Variants in BRINP3 observed in about 807,000 individuals in gnomAD.
BRINP3 encodes BMP/retinoic acid inducible neural specific 3, also known as BMP/retinoic acid-inducible neural-specific protein 3.
Under a neutral mutation model 71.0 loss-of-function variants are expected in BRINP3, and 19 were observed. The ratio of observed to expected loss-of-function variants is 0.27; its 90% CI spans 0.19 to 0.39. The LOEUF (loss-of-function observed/expected upper bound fraction) is 0.39. BRINP3 is among the 10% of genes least tolerant of loss of function. The pLI, the probability that BRINP3 is intolerant of heterozygous loss-of-function variation, is 1.00. For missense variants in BRINP3, 959 were observed against 940.8 expected (o/e 1.02, Z -0.25); for synonymous variants, 380 against 337.7 (o/e 1.13, Z -1.37).
chr1:190,258,346 C>A (rs115881067), intron 4 of BRINP3, among the ~76,000 whole-genome samples: 1 of 152,000 alleles, frequency 6.6e-6, no homozygotes, highest in Non-Finnish European at 1.5e-5. Context: ...CCTGGAAAAA[C>A]GGGACACTCC....
intron 6 of BRINP3, among the ~76,000 whole-genome samples, chr1:190,183,491 C>T (rs970422742): frequency 6.6e-5 from 10 of 151,854 alleles, no homozygotes; most frequent in African/African-American, 2.4e-4. Context: ...GTTTTAAGTT[C>T]CAAATTTGTC....
At chr1:190,319,767 C>T (rs1666115300) in intron 2 of BRINP3, among the ~76,000 whole-genome samples, 1 of 151,974 alleles carries the variant, frequency 6.6e-6, no homozygotes. Context: ...CCCCCTTGAT[C>T]CAATCACCTC....
At position 190,440,612 on chromosome 1, in the gene BRINP3, A is replaced by T. The variant is rs894780587; in HGVS notation, c.236+14043T>A. On this transcript the variant is annotated intron_variant, in intron 2 of 7. Transcript: ENST00000367462. The stretch of plus-strand genomic sequence containing the variant: ...TACTAGATGAGGACTCAAAGACAGA[A>T]GGCTGATAAAATTTTATACATTTGT... 1.9e-4 allele frequency among the ~76,000 whole-genome samples: 29 copies of T among 152,104 alleles called. 1 individual carries two copies. Among genetic ancestry groups the T allele is most frequent in the African/African-American group, 6.0e-4 (25 of 41,566 alleles).
chr1:190,205,750 A>G (rs1420582052), intron 6 of BRINP3, among the ~76,000 whole-genome samples: 2 of 152,028 alleles, frequency 1.3e-5, no homozygotes, highest in Non-Finnish European at 2.9e-5. Flanking sequence ...AAAATAATAC[A>G]AAGATAGTCC....
intron 2 of BRINP3, among the ~76,000 whole-genome samples, chr1:190,404,663 C>G (rs943288467): frequency 6.6e-6 from 1 of 152,166 alleles, no homozygotes; most frequent in Non-Finnish European, 1.5e-5. Flanking sequence ...TTTGGCCCTT[C>G]AAAACCCTGT....
At chr1:190,367,093 T>C (rs963239181) in intron 2 of BRINP3, among the ~76,000 whole-genome samples, 3 of 152,142 alleles carry the variant, frequency 2.0e-5, no homozygotes, top group African/African-American at 7.2e-5. Flanking sequence ...GTGGACTCTG[T>C]GCGGGGGCTC....
At chr1:190,211,714 C>A (rs1656004253) in intron 6 of BRINP3, among the ~76,000 whole-genome samples, 1 of 152,092 alleles carries the variant, frequency 6.6e-6, no homozygotes, top group Non-Finnish European at 1.5e-5. Flanking sequence ...AGGGAGAAGG[C>A]ATTTGGCAAA....
chr1:190,174,721 T>C (rs942382801), intron 6 of BRINP3, among the ~76,000 whole-genome samples: 1 of 152,280 alleles, frequency 6.6e-6, no homozygotes, highest in African/African-American at 2.4e-5. Context: ...GTTTAATATG[T>C]AATGTTTCAT....
intron 6 of BRINP3, among the ~76,000 whole-genome samples, chr1:190,203,573 G>C (rs1323332425): frequency 1.3e-5 from 2 of 149,082 alleles, no homozygotes; most frequent in Non-Finnish European, 3.0e-5. Context: ...ATACCTTCTA[G>C]AATGTTATCA....
intron 7 of BRINP3, among the ~76,000 whole-genome samples, chr1:190,124,002 T>A (rs1447860087): frequency 6.6e-6 from 1 of 152,152 alleles, no homozygotes. Context: ...TCTGAAGTCA[T>A]TTGAAATATC....
At chr1:190,235,427 A>G (rs557044210) in intron 4 of BRINP3, among the ~76,000 whole-genome samples, 3 of 152,058 alleles carry the variant, frequency 2.0e-5, no homozygotes, top group Non-Finnish European at 4.4e-5. Flanking sequence ...TTCTTTATTA[A>G]TAACCAGACT....
chr1:190,118,299 A>G (rs17366894), intron 7 of BRINP3, among the ~76,000 whole-genome samples: 2,236 of 152,290 alleles, frequency 0.015, 29 homozygotes, highest in Non-Finnish European at 0.023. Flanking sequence ...CAGCATAACT[A>G]TAAATTAAAG....
At position 190,152,483 on chromosome 1, in the gene BRINP3, C is replaced by T. The variant is rs1355157615; in HGVS notation, c.1184+8185G>A. 2.0e-5 allele frequency among the ~76,000 whole-genome samples: 3 copies of T among 149,128 alleles called. No individual in the cohort carries two copies. The East Asian group carries it at 5.9e-4, about 29-fold the overall frequency. The stretch of plus-strand genomic sequence containing the variant: ...GATGATCATTTTGAACTATTACATA[C>T]ATGCACAAATATATATATATATATA... On this transcript the variant is annotated intron_variant, in intron 7 of 7. Coordinates refer to ENST00000367462, the MANE Select transcript of BRINP3 (RefSeq NM_199051.3).
chr1:190,392,534 G>A (rs543588843), intron 2 of BRINP3, among the ~76,000 whole-genome samples: 4 of 151,530 alleles, frequency 2.6e-5, no homozygotes, highest in East Asian at 1.9e-4. Context: ...CTGCAGTTTC[G>A]ATAGGGTGGA....
rs554924034 is a variant in BRINP3 at position 190,102,570 on chromosome 1, T to A, written c.1185-3436A>T. Among the ~76,000 whole-genome samples the A allele has an allele frequency of 7.2e-5, 11 of 152,106 alleles. No individual in the cohort carries two copies. In the South Asian group the frequency reaches 2.3e-3, roughly 32 times the overall value. ...GGTGGCAATATCCCTGACATCTGCT[T>A]AATAATACTTCAGTAAACATTCTAA... On this transcript the variant is annotated intron_variant, in intron 7 of 7. Coordinates refer to ENST00000367462, the MANE Select transcript of BRINP3 (RefSeq NM_199051.3).
chr1:190,323,866 T>C (rs1190291282), intron 2 of BRINP3, among the ~76,000 whole-genome samples: 1 of 152,008 alleles, frequency 6.6e-6, no homozygotes. Flanking sequence ...CTTAGTCTTT[T>C]ATTTTTTAAA....
chr1:190,409,836 T>C (rs1025218176), intron 2 of BRINP3, among the ~76,000 whole-genome samples: 1 of 152,002 alleles, frequency 6.6e-6, no homozygotes. Context: ...TATTTGACTC[T>C]TTATGGGTAA....
chr1:190,208,039 C>G (rs562631493), intron 6 of BRINP3, among the ~76,000 whole-genome samples: 1 of 152,222 alleles, frequency 6.6e-6, no homozygotes, highest in East Asian at 1.9e-4. Flanking sequence ...CCTCCGCCTC[C>G]TGGGCTCAAG....
chr1:190,358,169 T>C (rs1346561564), intron 2 of BRINP3, among the ~76,000 whole-genome samples: 1 of 152,084 alleles, frequency 6.6e-6, no homozygotes, highest in Non-Finnish European at 1.5e-5. Flanking sequence ...TAGGATCTAA[T>C]TAAACTAAAG....
Sources: allele counts gnomAD v4.1 joint callset (sites outside exome capture counted in the v4.1 genomes callset), GRCh38; gene constraint gnomAD v4.1.1; transcripts MANE v1.5; gene names NCBI Gene and HGNC (gene_info 2026-07-23, HGNC 2026-07-21).